Variants in TBC1D8 observed in about 807,000 individuals in gnomAD.
TBC1D8 encodes the protein BUB2-like protein 1.
TBC1D8 carries 65 observed loss-of-function variants against 118.8 expected under a neutral mutation model. The observed-to-expected ratio is 0.55, with a 90% CI of 0.45 to 0.67. TBC1D8 has a LOEUF of 0.67. TBC1D8 is among the 30% of genes least tolerant of loss of function. The pLI is 0.00. For synonymous variants in TBC1D8, 566 were observed against 595.8 expected (o/e 0.95, Z 0.73); for missense variants, 1,376 against 1,471.2 (o/e 0.94, Z 1.06).
At chr2:101,017,989 A>T in intron 17 of TBC1D8, 1 of 1,484,488 alleles carries the variant, frequency 6.7e-7, no homozygotes, top group Non-Finnish European at 9.2e-7. Flanking sequence ...AACGGTTCCA[A>T]TGCTCGCAAT....
At chr2:101,010,120 A>G (rs1157463616) in intron 19 of TBC1D8, among the ~76,000 whole-genome samples, 1 of 152,094 alleles carries the variant, frequency 6.6e-6, no homozygotes, top group African/African-American at 2.4e-5. Flanking sequence ...GCCAAAAAGG[A>G]GCATTTTTAA....
intron 1 of TBC1D8, among the ~76,000 whole-genome samples, chr2:101,091,273 G>A (rs772132545): frequency 3.9e-5 from 6 of 152,046 alleles, no homozygotes; most frequent in Admixed American, 6.6e-5. Context: ...CAACAAGAGC[G>A]AAACTCCATC....
At position 101,007,967 on chromosome 2, in the gene TBC1D8, G is replaced by C; in HGVS notation, c.3322C>G (p.Leu1108Val). Residue 1108 changes from leucine (L) to valine (V), a missense_variant, in exon 20 of 20, where the codon CTG becomes GTG. Leu to Val is a conservative substitution (Grantham distance 32). Coordinates refer to ENST00000409318, the MANE Select transcript of TBC1D8 (RefSeq NM_001330348.2). ...AAGTTGACTAATGACTGTTCAGTCA[G>C]AAGTGAAGCTAAAATATGTTCAAGG... ...VSLEHILASL[L>V]TEQSLVNFFE... 1 of 1,614,030 alleles carries C rather than the reference G, an allele frequency of 6.2e-7. No individual in the cohort carries two copies. Among genetic ancestry groups the C allele is most frequent in the East Asian group, 2.2e-5 (1 of 44,886 alleles).
chr2:101,135,177 A>T (rs529194730), intron 1 of TBC1D8, among the ~76,000 whole-genome samples: 2 of 152,314 alleles, frequency 1.3e-5, no homozygotes, highest in Admixed American at 1.3e-4. Context: ...GTCTCAAAAA[A>T]AGAAAAAAGA....
intron 1 of TBC1D8, among the ~76,000 whole-genome samples, chr2:101,127,173 A>G (rs1025269000): frequency 1.3e-5 from 2 of 152,098 alleles, no homozygotes; most frequent in African/African-American, 4.8e-5. Flanking sequence ...CATCTCTATT[A>G]AAAATTCAAA....
chr2:101,084,837 T>C (rs925834138), intron 2 of TBC1D8, among the ~76,000 whole-genome samples: 12 of 144,928 alleles, frequency 8.3e-5, no homozygotes. Flanking sequence ...TTGACATGAA[T>C]GGGTATTCAC....
At chr2:101,078,003 C>T (rs188176435) in intron 2 of TBC1D8, among the ~76,000 whole-genome samples, 2 of 152,256 alleles carry the variant, frequency 1.3e-5, no homozygotes, top group Admixed American at 6.5e-5. Flanking sequence ...TGGCTCCACC[C>T]GGACCCACCA....
chr2:101,081,691 C>T (rs1326052312), intron 2 of TBC1D8, among the ~76,000 whole-genome samples: 2 of 152,170 alleles, frequency 1.3e-5, no homozygotes, highest in African/African-American at 4.8e-5. Context: ...AGTTAATCTA[C>T]AGGAAAAGGA....
intron 15 of TBC1D8, chr2:101,023,647 AG>A: frequency 2.3e-6 from 1 of 432,940 alleles, no homozygotes; most frequent in South Asian, 1.7e-5. Context: ...GGTGAGTTGA[AG>A]TCTTGGGAAT....
rs368009700 is a variant in TBC1D8, at chr2:101,049,727, C to CA, written c.872+673dup. The stretch of plus-strand genomic sequence containing the variant: ...TGGGGGACAGAGAGATTCTCCATCT[C>CA]AAAAAAAAATAAAAAAAGAAAAAGA... On this transcript the variant is annotated intron_variant, in intron 5 of 19. Transcript: ENST00000409318. Among the ~76,000 whole-genome samples the CA allele has an allele frequency of 4.4e-3, 655 of 147,600 alleles. 10 individuals are homozygous for CA. Among genetic ancestry groups the CA allele is most frequent in the African/African-American group, 0.016 (627 of 40,102 alleles).
At chr2:101,090,423 G>A in intron 1 of TBC1D8, 59 bp from the exon 2 acceptor site, 2 of 1,582,790 alleles carry the variant, frequency 1.3e-6, no homozygotes, top group Non-Finnish European at 1.7e-6. Flanking sequence ...AGCTCCTCAT[G>A]CGTGTGAGGC....
chr2:101,143,313 G>A (rs1348597939), intron 1 of TBC1D8, among the ~76,000 whole-genome samples: 1 of 151,802 alleles, frequency 6.6e-6, no homozygotes, highest in Non-Finnish European at 1.5e-5. Flanking sequence ...TGCCCACCTC[G>A]GCCTCCGAAA....
chr2:101,017,065 TAAAAG>T (rs1679704164), intron 17 of TBC1D8, among the ~76,000 whole-genome samples: 2 of 139,598 alleles, frequency 1.4e-5, no homozygotes, highest in Non-Finnish European at 3.2e-5. Flanking sequence ...CCCTAAAACT[TAAAAG>T]TATTAAAAAA....
intron 1 of TBC1D8, among the ~76,000 whole-genome samples, chr2:101,144,924 C>T (rs1239742382): frequency 1.3e-5 from 2 of 152,022 alleles, no homozygotes; most frequent in South Asian, 2.1e-4. Flanking sequence ...GGCAACAGAG[C>T]GAGACTCTGT....
At chr2:101,080,918 G>A (rs931338335) in intron 2 of TBC1D8, among the ~76,000 whole-genome samples, 1 of 151,848 alleles carries the variant, frequency 6.6e-6, no homozygotes, top group Non-Finnish European at 1.5e-5. Flanking sequence ...TGGCACCACA[G>A]GAGCACTACC....
At position 101,132,247 on chromosome 2, in the gene TBC1D8, T is replaced by TAC. The variant is rs375411865; in HGVS notation, c.127+18878_127+18879dup. 3.9e-5 allele frequency among the ~76,000 whole-genome samples: 6 copies of TAC among 152,002 alleles called. No individual in the cohort carries two copies. In the South Asian group the frequency reaches 6.2e-4, roughly 16 times the overall value. On this transcript the variant is annotated intron_variant, in intron 1 of 19. Transcript: ENST00000409318. The stretch of plus-strand genomic sequence containing the variant: ...GATACAATATGATATATGATATAAT[T>TAC]ACACACACACACACCTTTTCTAAAT...
chr2:101,097,148 C>A (rs1017558840), intron 1 of TBC1D8, among the ~76,000 whole-genome samples: 1 of 151,410 alleles, frequency 6.6e-6, no homozygotes, highest in Non-Finnish European at 1.5e-5. Flanking sequence ...AAAAAGCCTG[C>A]GAACAAGAGA....
Position 101,007,730 on chromosome 2 carries a change from CTG to C in TBC1D8, c.*89_*90del. On this transcript the variant is annotated 3_prime_UTR_variant, in exon 20 of 20. Transcript: ENST00000409318. The stretch of plus-strand genomic sequence containing the variant: ...CCAGATGCCCCATTGGTAAGGTAGA[CTG>C]AAATCTCGGTTTAGGGCTGACCCCA... 7.3e-7 allele frequency: 1 copy of C among 1,369,230 alleles called. No homozygotes were observed. 84.8% of individuals were successfully genotyped at this position (1,369,230 alleles called of 1,614,324 possible).
intron 1 of TBC1D8, among the ~76,000 whole-genome samples, chr2:101,114,557 C>T (rs1397477306): frequency 6.6e-6 from 1 of 152,170 alleles, no homozygotes; most frequent in East Asian, 1.9e-4. Context: ...TCAAAGCCTG[C>T]CATATGTCCT....
Sources: allele counts gnomAD v4.1 joint callset (sites outside exome capture counted in the v4.1 genomes callset), GRCh38; gene constraint gnomAD v4.1.1; transcripts MANE v1.5; gene names NCBI Gene and HGNC (gene_info 2026-07-23, HGNC 2026-07-21).